SVEP1: variants seen among roughly 807,000 people sequenced by gnomAD.
The protein encoded by SVEP1 is sushi, von Willebrand factor type A, EGF and pentraxin domain containing 1, also known as sushi, von Willebrand factor type A, EGF and pentraxin domain-containing protein 1.
In SVEP1, 164 loss-of-function variants were observed where a neutral mutation model predicts 367.3. The ratio of observed to expected loss-of-function variants is 0.45; its 90% CI spans 0.39 to 0.51. The LOEUF (loss-of-function observed/expected upper bound fraction) is 0.51, where lower values mean the gene tolerates loss of function less well. Ranked by LOEUF, SVEP1 falls within the 20% of genes least tolerant of loss-of-function variation. The pLI is 0.00. For synonymous variants in SVEP1, 1,666 were observed against 1,611.6 expected (o/e 1.03, Z -0.81); for missense variants, 4,117 against 4,425.3 (o/e 0.93, Z 1.98).
chr9:110,438,312 A>T (rs1173934149), intron 27 of SVEP1, among the ~76,000 whole-genome samples: 2 of 150,808 alleles, frequency 1.3e-5, no homozygotes, highest in Non-Finnish European at 1.5e-5. Flanking sequence ...TCAGCCTCCC[A>T]AATAGATAGC....
rs187544308 is a variant in SVEP1 at position 110,552,589 on chromosome 9, G to A, written c.532-2485C>T. 3.1e-3 allele frequency among the ~76,000 whole-genome samples: 476 copies of A among 152,254 alleles called. 2 individuals are homozygous for A. The highest frequency in any genetic ancestry group is 5.5e-3 in the Non-Finnish European group (371 of 68,034). On this transcript the variant is annotated intron_variant, in intron 1 of 47. Coordinates refer to ENST00000374469, the MANE Select transcript of SVEP1 (RefSeq NM_153366.4). The stretch of plus-strand genomic sequence containing the variant: ...TGCAACTAGATGGTCCCATCTGGGA[G>A]TGATGGGAGACAGGGACAGAGTGCA...
chr9:110,456,751 A>G (rs568236338), intron 21 of SVEP1, among the ~76,000 whole-genome samples: 2 of 152,326 alleles, frequency 1.3e-5, no homozygotes, highest in East Asian at 3.9e-4. Context: ...AAACTGTTAA[A>G]AACCCCCATA....
At chr9:110,395,163 A>C (rs1564129404) in intron 40 of SVEP1, among the ~76,000 whole-genome samples, 4 of 152,254 alleles carry the variant, frequency 2.6e-5, no homozygotes, top group African/African-American at 9.6e-5. Flanking sequence ...CTCAGCAGAA[A>C]CTCTACAAGC....
chr9:110,530,934 T>C (rs1486057515), intron 3 of SVEP1, among the ~76,000 whole-genome samples: 2 of 152,214 alleles, frequency 1.3e-5, no homozygotes, highest in Non-Finnish European at 2.9e-5. Flanking sequence ...GAAAATGTAT[T>C]TTTTTCTTGT....
intron 4 of SVEP1, among the ~76,000 whole-genome samples, chr9:110,513,580 T>C (rs1196314834): frequency 6.6e-6 from 1 of 152,192 alleles, no homozygotes. Flanking sequence ...CTTATAAAAA[T>C]ATATTATTTC....
At chr9:110,401,644 A>G (rs1827863202) in intron 39 of SVEP1, among the ~76,000 whole-genome samples, 1 of 151,692 alleles carries the variant, frequency 6.6e-6, no homozygotes, top group African/African-American at 2.4e-5. Context: ...AATAAATTCC[A>G]GATATAGCAA....
intron 5 of SVEP1, among the ~76,000 whole-genome samples, chr9:110,504,907 C>G (rs918369213): frequency 2.0e-5 from 3 of 152,134 alleles, no homozygotes; most frequent in Non-Finnish European, 4.4e-5. Flanking sequence ...CGGGGTAGAG[C>G]ATGTTATCTA....
chr9:110,559,977 CT>C (rs1382288304), intron 1 of SVEP1, among the ~76,000 whole-genome samples: 2 of 152,072 alleles, frequency 1.3e-5, no homozygotes, highest in African/African-American at 4.8e-5. Flanking sequence ...TGGAAATGTA[CT>C]GTATGTCTGT....
At chr9:110,372,174 C>G (rs756493240) in intron 46 of SVEP1, among the ~76,000 whole-genome samples, 3 of 152,168 alleles carry the variant, frequency 2.0e-5, no homozygotes, top group Admixed American at 1.3e-4. Context: ...CTGGGGACTC[C>G]TTTTGTTTCT....
In SVEP1 at chr9:110,458,563, C is replaced by A; in HGVS notation, c.3485-1G>T. ...GCCGCTGAGAAAGTTGAACTAAAAC[C>A]TAATCAATTAATAGAAAAACATGTC... is the stretch of plus-strand genomic sequence containing the variant. On this transcript the variant is annotated splice_acceptor_variant, in intron 19 of 47. Coordinates refer to ENST00000374469, the MANE Select transcript of SVEP1 (RefSeq NM_153366.4). LOFTEE classifies it high-confidence loss of function. The A allele has an allele frequency of 6.2e-7, 1 of 1,607,744 alleles. No homozygotes were observed.
At chr9:110,390,334 CACAT>C (rs1827631234) in intron 40 of SVEP1, among the ~76,000 whole-genome samples, 1 of 27,536 alleles carries the variant, frequency 3.6e-5, no homozygotes, top group Non-Finnish European at 6.0e-5. Flanking sequence ...CTTATATATA[CACAT>C]ACTTATATAC....
At position 110,411,455 on chromosome 9, in the gene SVEP1, G is replaced by A. The variant is rs1828043762; in HGVS notation, c.6256C>T (p.Pro2086Ser). 1 of 1,613,894 alleles carries A rather than the reference G, an allele frequency of 6.2e-7. No homozygotes were observed. Among genetic ancestry groups the A allele is most frequent in the African/African-American group, 1.3e-5 (1 of 74,914 alleles). ...AAGATGCTATAGGAAACCGATGGAG[G>A]TTTTTCACAGAAATGAGCTATACAA... ...PRCIAHFCEKPPSVSYSILES... is the reference protein window; with the variant it reads ...PRCIAHFCEKSPSVSYSILES... The change falls in exon 37 of 48, where the codon CCT becomes TCT. Residue 2086 changes from proline (P) to serine (S), a missense_variant. Transcript: ENST00000374469.
At chr9:110,553,381 G>A (rs1032924295) in intron 1 of SVEP1, among the ~76,000 whole-genome samples, 8 of 152,214 alleles carry the variant, frequency 5.3e-5, no homozygotes, top group East Asian at 1.9e-4. Flanking sequence ...ATTAAATTTA[G>A]TATTGGGGAA....
At chr9:110,432,086 A>G (rs1828358907) in intron 31 of SVEP1, 52 bp from the exon 32 acceptor site, 6 of 1,540,406 alleles carry the variant, frequency 3.9e-6, no homozygotes, top group Non-Finnish European at 2.6e-6. Context: ...TTCCGTATGT[A>G]TCAAACATCT....
chr9:110,470,664 G>A (rs1210273406), intron 16 of SVEP1, among the ~76,000 whole-genome samples: 1 of 151,802 alleles, frequency 6.6e-6, no homozygotes, highest in African/African-American at 2.4e-5. Context: ...TCGAACTCCT[G>A]GGCTCAAGTG....
At chr9:110,466,280 AT>A (rs1391764799) in intron 17 of SVEP1, among the ~76,000 whole-genome samples, 1 of 152,174 alleles carries the variant, frequency 6.6e-6, no homozygotes, top group Non-Finnish European at 1.5e-5. Flanking sequence ...AACACGTTCA[AT>A]AAATAGTTGT....
chr9:110,434,313 T>G, intron 30 of SVEP1, 23 bp downstream of exon 30: 1 of 1,578,962 alleles, frequency 6.3e-7, no homozygotes, highest in East Asian at 2.3e-5. Flanking sequence ...GTCACTGAAA[T>G]GGCTTCAAGA....
At chr9:110,454,689 T>C (rs1352289250) in intron 22 of SVEP1, among the ~76,000 whole-genome samples, 2 of 152,216 alleles carry the variant, frequency 1.3e-5, no homozygotes, top group African/African-American at 2.4e-5. Flanking sequence ...GCCATTATTC[T>C]AAGTGAATTA....
At chr9:110,423,423 G>C (rs1357761487) in intron 36 of SVEP1, among the ~76,000 whole-genome samples, 1 of 152,026 alleles carries the variant, frequency 6.6e-6, no homozygotes, top group Non-Finnish European at 1.5e-5. Flanking sequence ...TACATAAGCA[G>C]TGACTGCAGT....
Sources: allele counts gnomAD v4.1 joint callset (sites outside exome capture counted in the v4.1 genomes callset), GRCh38; gene constraint gnomAD v4.1.1; transcripts MANE v1.5; gene names NCBI Gene and HGNC (gene_info 2026-07-23, HGNC 2026-07-21).